MYL4: variants seen among roughly 807,000 people sequenced by gnomAD.
MYL4 encodes the protein atrial myosin light chain 1.
MYL4 carries 16 observed loss-of-function variants against 21.6 expected under a neutral mutation model. That is an observed-to-expected ratio of 0.74 (90% CI 0.50 to 1.12). The LOEUF (loss-of-function observed/expected upper bound fraction) is 1.12, where lower values mean the gene tolerates loss of function less well. Among genes scored for constraint, MYL4 ranks in the 50% most tolerant of loss-of-function variants. MYL4 has a pLI of 0.00. For missense variants in MYL4, 249 were observed against 252.9 expected, an observed-to-expected ratio of 0.98 and a Z score of 0.11; for synonymous variants, 82 against 95.7, an observed-to-expected ratio of 0.86 and a Z score of 0.83.
chr17:47,211,340 G>A (rs2149042176), intron 1 of MYL4, among the ~76,000 whole-genome samples: 1 of 152,070 alleles, frequency 6.6e-6, no homozygotes, highest in South Asian at 2.1e-4. Context: ...TTGAGGCCAG[G>A]CATTTGAGTC....
At position 47,219,971 on chromosome 17, in the gene MYL4, G is replaced by T. The variant is rs143062804; in HGVS notation, c.231G>T (p.Gln77His). Residue 77 changes from glutamine to histidine, a missense_variant, in exon 3 of 7, where the codon CAG becomes CAT. By Grantham distance (24) the Gln-to-His change is conservative (BLOSUM62 0). Coordinates refer to ENST00000393450, the MANE Select transcript of MYL4 (RefSeq NM_002476.2). Reference protein sequence around the residue: ...PTGEMKITYGQCGDVLRALGQ... With the variant: ...PTGEMKITYGHCGDVLRALGQ... ...GAGAGATGAAGATCACCTACGGCCA[G>T]TGCGGGGATGTACTGCGGGCCCTGG... 1 of 1,614,206 alleles carries T rather than the reference G, an allele frequency of 6.2e-7. No homozygotes were observed. The highest frequency in any genetic ancestry group is 1.1e-5 in the South Asian group (1 of 91,072).
intron 2 of MYL4, 89 bp downstream of exon 2, chr17:47,213,915 T>C (rs932933357): frequency 7.0e-7 from 1 of 1,423,512 alleles, no homozygotes; most frequent in Non-Finnish European, 9.9e-7. Context: ...GTAGTTGTCC[T>C]CATGGTAATA....
upstream of MYL4, among the ~76,000 whole-genome samples, chr17:47,205,760 C>T (rs2064726272): frequency 6.6e-6 from 1 of 152,192 alleles, no homozygotes; most frequent in African/African-American, 2.4e-5. Context: ...AGACAGGCTG[C>T]CTGGCCCTAG....
At chr17:47,225,291 G>A (rs909272715), downstream of MYL4, among the ~76,000 whole-genome samples, 2 of 152,204 alleles carry the variant, frequency 1.3e-5, no homozygotes, top group African/African-American at 4.8e-5. Flanking sequence ...TTTGAGGAAG[G>A]GTTTCAGCTT....
At chr17:47,211,457 TAGGACC>T (rs1355873823) in intron 1 of MYL4, among the ~76,000 whole-genome samples, 1 of 152,112 alleles carries the variant, frequency 6.6e-6, no homozygotes, top group African/African-American at 2.4e-5. Flanking sequence ...TGTGTGTAGT[TAGGACC>T]ACGTCTATTG....
At chr17:47,220,165 C>G in intron 3 of MYL4, 112 bp downstream of exon 3, 1 of 1,333,806 alleles carries the variant, frequency 7.5e-7, no homozygotes, top group East Asian at 2.5e-5. Context: ...CTGCTTTAGC[C>G]CCTCAGGACC....
intron 1 of MYL4, among the ~76,000 whole-genome samples, chr17:47,212,229 T>TA (rs1305974712): frequency 1.3e-5 from 2 of 151,974 alleles, no homozygotes; most frequent in African/African-American, 4.8e-5. Flanking sequence ...AAAATAAGAA[T>TA]AAAAAATAAA....
chr17:47,193,609 G>C, the MYL4 span, among the ~76,000 whole-genome samples: 22 of 152,036 alleles, frequency 1.4e-4, no homozygotes, highest in African/African-American at 5.3e-4. Context: ...CAGCTCCTCT[G>C]CCAGCCCCTT....
intron 1 of MYL4, among the ~76,000 whole-genome samples, chr17:47,212,581 T>G (rs1413388997): frequency 1.3e-5 from 2 of 152,350 alleles, no homozygotes; most frequent in African/African-American, 2.4e-5. Flanking sequence ...CTGAATTGGC[T>G]TTTATGTTTG....
chr17:47,213,988 C>T (rs941239827), intron 2 of MYL4, 162 bp downstream of exon 2: 4 of 799,990 alleles, frequency 5.0e-6, no homozygotes, highest in Non-Finnish European at 6.4e-6. Flanking sequence ...AGGCATAGTC[C>T]TAGGCACTTT....
intron 5 of MYL4, 21 bp downstream of exon 5, chr17:47,222,478 T>A (rs2149049232): frequency 6.2e-7 from 1 of 1,613,360 alleles, no homozygotes. Context: ...GCGCCTTGCA[T>A]CCCAGGGCAG....
chr17:47,199,315 A>C (rs995098163), upstream of MYL4, among the ~76,000 whole-genome samples: 7 of 116,078 alleles, frequency 6.0e-5, no homozygotes, highest in African/African-American at 1.3e-4. Flanking sequence ...AAAAAAAAAA[A>C]ACCCCAGAAA....
chr17:47,222,951 C>T, intron 5 of MYL4, 63 bp from the exon 6 acceptor site: 1 of 1,600,128 alleles, frequency 6.2e-7, no homozygotes, highest in Non-Finnish European at 8.6e-7. Flanking sequence ...AGAGAAGGGA[C>T]AAGTGGTTTA....
At chr17:47,208,308 C>T (rs1458629538), upstream of MYL4, among the ~76,000 whole-genome samples, 2 of 152,058 alleles carry the variant, frequency 1.3e-5, no homozygotes, top group African/African-American at 2.4e-5. Context: ...CTGGTGTGCA[C>T]CTGTAGTCCC....
chr17:47,222,572 C>A (rs1311900348), intron 5 of MYL4, 115 bp downstream of exon 5: 3 of 846,016 alleles, frequency 3.5e-6, no homozygotes, highest in African/African-American at 1.7e-5. Context: ...TTTTGTAGAC[C>A]CCCCATTGGA....
intron 3 of MYL4, 23 bp from the exon 4 acceptor site, chr17:47,221,659 T>G (rs1272782701): frequency 6.2e-7 from 1 of 1,601,830 alleles, no homozygotes; most frequent in Non-Finnish European, 8.5e-7. Context: ...TGATTTCTCT[T>G]TCTTTACCCT....
upstream of MYL4, chr17:47,209,224 G>A (rs1187858591): frequency 2.8e-6 from 2 of 716,092 alleles, no homozygotes; most frequent in Non-Finnish European, 2.4e-6. Context: ...ATACACAGTT[G>A]TCAGCTGTAC....
intron 4 of MYL4, 28 bp downstream of exon 4, chr17:47,221,883 C>G: frequency 1.2e-6 from 2 of 1,600,478 alleles, no homozygotes; most frequent in Non-Finnish European, 1.7e-6. Context: ...AGATGAAGAC[C>G]AAGTGGGAGG....
chr17:47,200,650 C>T (rs2064706008), intron 1 of MYL4: 1 of 152,288 alleles, frequency 6.6e-6, no homozygotes, highest in Non-Finnish European at 1.5e-5. Context: ...CACCAGCTAT[C>T]CTGCCCTCTG....
Sources: allele counts gnomAD v4.1 joint callset (sites outside exome capture counted in the v4.1 genomes callset), GRCh38; gene constraint gnomAD v4.1.1; transcripts MANE v1.5; gene names NCBI Gene and HGNC (gene_info 2026-07-23, HGNC 2026-07-21).